SLC38A6: variants seen among roughly 807,000 people sequenced by gnomAD.
SLC38A6 encodes N system amino acid transporter NAT-1.
A neutral mutation model predicts 65.0 loss-of-function variants in SLC38A6; 73 were observed. That is an observed-to-expected ratio of 1.12 (90% CI 0.93 to 1.37). The LOEUF (loss-of-function observed/expected upper bound fraction) is 1.37, where lower values mean the gene tolerates loss of function less well. SLC38A6 is among the 40% of genes most tolerant of loss of function. The probability of loss-of-function intolerance (pLI) is 0.00; values close to 1 mark genes in which losing one functional copy is unlikely to be tolerated. For missense variants in SLC38A6, 561 were observed against 531.1 expected (o/e 1.06, Z -0.55); for synonymous variants, 183 against 178.8 (o/e 1.02, Z -0.19).
At chr14:61,014,995 G>A (rs574826263) in intron 3 of SLC38A6, among the ~76,000 whole-genome samples, 83 of 152,320 alleles carry the variant, frequency 5.4e-4, no homozygotes, top group Non-Finnish European at 1.0e-3. Flanking sequence ...AGTCTACAGA[G>A]GCACGCAGGG....
intron 15 of SLC38A6, among the ~76,000 whole-genome samples, chr14:61,074,436 TC>T (rs2043329607): frequency 6.6e-6 from 1 of 152,318 alleles, no homozygotes; most frequent in East Asian, 1.9e-4. Flanking sequence ...GAGGGCCTCT[TC>T]CTGGCTTGCA....
intron 3 of SLC38A6, among the ~76,000 whole-genome samples, chr14:61,003,666 GC>G (rs2139396934): frequency 1.3e-5 from 2 of 152,246 alleles, no homozygotes; most frequent in South Asian, 4.1e-4. Flanking sequence ...CTGAGATGCT[GC>G]AGATTTTTTG....
In SLC38A6 at chr14:61,030,464, A is replaced by G. The variant is rs1200273032; in HGVS notation, c.423A>G (p.Leu141=). 1.9e-6 allele frequency: 3 copies of G among 1,609,624 alleles called. No individual in the cohort carries two copies. Among genetic ancestry groups the G allele is most frequent in the Admixed American group, 3.4e-5 (2 of 59,388 alleles). ...QNIGAMSSYL[L]IIKTELPAAI... is the part of the protein sequence containing the mutation. ...TTGCAGCTATGTCATCTTATCTTTT[A>G]ATTATTAAAACAGAGCTTCCTGCTG... The change falls in exon 6 of 16, where the codon TTA becomes TTG. Residue 141 remains leucine, a synonymous_variant. Coordinates refer to ENST00000267488, the MANE Select transcript of SLC38A6 (RefSeq NM_153811.3).
Position 60,982,564 on chromosome 14 carries a change from G to A in SLC38A6, c.162G>A (p.Leu54=). 6 of 1,614,012 alleles carry A rather than the reference G, an allele frequency of 3.7e-6. No individual in the cohort carries two copies. Among genetic ancestry groups the A allele is most frequent in the Non-Finnish European group, 4.2e-6 (5 of 1,179,988 alleles). ...GVSFGLSVFN[L]MNAIMGSGIL... Reference sequence around the variant, plus strand: ...CATTTGGTTTATCAGTGTTTAATTTGATGAATGCCATCATGGGAAGTGGCA... The same window carrying A: ...CATTTGGTTTATCAGTGTTTAATTTAATGAATGCCATCATGGGAAGTGGCA... Residue 54 remains leucine, a synonymous_variant, in exon 2 of 16, where the codon TTG becomes TTA. Transcript: ENST00000267488.
chr14:60,985,702 C>T (rs915019432), intron 3 of SLC38A6, among the ~76,000 whole-genome samples: 2 of 152,086 alleles, frequency 1.3e-5, no homozygotes, highest in African/African-American at 4.8e-5. Flanking sequence ...AAAAGAATAC[C>T]TGAGGCTGCA....
At chr14:61,011,782 G>T (rs1222819701) in intron 3 of SLC38A6, among the ~76,000 whole-genome samples, 1 of 152,150 alleles carries the variant, frequency 6.6e-6, no homozygotes, top group Non-Finnish European at 1.5e-5. Flanking sequence ...GATTCAGTTT[G>T]CCAGTATTTT....
At chr14:60,983,564 A>G (rs573838690) in intron 2 of SLC38A6, among the ~76,000 whole-genome samples, 1 of 152,310 alleles carries the variant, frequency 6.6e-6, no homozygotes, top group Admixed American at 6.5e-5. Context: ...GAATTAACAA[A>G]TTGGCTTTGT....
At chr14:61,072,929 T>G (rs1166276275) in intron 15 of SLC38A6, among the ~76,000 whole-genome samples, 1 of 152,180 alleles carries the variant, frequency 6.6e-6, no homozygotes, top group Non-Finnish European at 1.5e-5. Flanking sequence ...GGTAGCTCTA[T>G]TTTTAGTTTT....
chr14:60,991,931 T>A lies in SLC38A6; in HGVS notation c.310+7128T>A, dbSNP rs773140383. On this transcript the variant is annotated intron_variant, in intron 3 of 15. Transcript: ENST00000267488. ...AGCTGAATCTCACTTAAGACTCCAT[T>A]TTCTTGTTGCCAGAACTTAATATGC... 3.5e-4 allele frequency among the ~76,000 whole-genome samples: 53 copies of A among 152,120 alleles called. 1 individual carries two copies. Among genetic ancestry groups the A allele is most frequent in the Non-Finnish European group, 1.3e-4 (9 of 68,012 alleles).
intron 3 of SLC38A6, among the ~76,000 whole-genome samples, chr14:61,008,332 A>C (rs2039305684): frequency 6.6e-6 from 1 of 152,100 alleles, no homozygotes; most frequent in Admixed American, 6.6e-5. Flanking sequence ...TGATAGGTAA[A>C]GACTGTATCT....
chr14:61,070,660 T>C (rs925654529), intron 15 of SLC38A6, among the ~76,000 whole-genome samples: 2 of 152,226 alleles, frequency 1.3e-5, no homozygotes, highest in African/African-American at 4.8e-5. Context: ...GGTTGCACTA[T>C]TTTATGTTTC....
At chr14:61,052,260 A>G (rs2042549108) in intron 15 of SLC38A6, 89 bp from the exon 16 acceptor site, 1 of 1,288,126 alleles carries the variant, frequency 7.8e-7, no homozygotes, top group Non-Finnish European at 1.1e-6. Flanking sequence ...TATTGCAGAG[A>G]GTAGAGATTT....
intron 1 of SLC38A6, among the ~76,000 whole-genome samples, chr14:60,982,013 A>G (rs139066812): frequency 1.3e-5 from 2 of 152,170 alleles, no homozygotes; most frequent in African/African-American, 4.8e-5. Context: ...TCTGTTTATA[A>G]TATTGTCATT....
intron 3 of SLC38A6, among the ~76,000 whole-genome samples, chr14:60,994,221 T>C (rs1243340143): frequency 7.9e-5 from 12 of 152,246 alleles, no homozygotes; most frequent in Admixed American, 6.5e-4. Context: ...AAAACTGATA[T>C]ATTTGTACAA....
chr14:61,010,168 C>T (rs2039447175), intron 3 of SLC38A6, among the ~76,000 whole-genome samples: 1 of 152,190 alleles, frequency 6.6e-6, no homozygotes, highest in Non-Finnish European at 1.5e-5. Flanking sequence ...TTTTTGGCTG[C>T]ATAAATGTCT....
intron 5 of SLC38A6, among the ~76,000 whole-genome samples, chr14:61,025,479 A>G (rs1018216066): frequency 6.6e-6 from 1 of 152,190 alleles, no homozygotes; most frequent in African/African-American, 2.4e-5. Flanking sequence ...TTGTCTAGAA[A>G]TTCTAGAAAG....
intron 2 of SLC38A6, among the ~76,000 whole-genome samples, chr14:60,984,152 A>AT (rs2037283398): frequency 6.6e-6 from 1 of 152,142 alleles, no homozygotes; most frequent in East Asian, 1.9e-4. Context: ...TTGTTTGCAC[A>AT]TTTTTCAAAT....
intron 5 of SLC38A6, among the ~76,000 whole-genome samples, chr14:61,021,633 G>T (rs1450148840): frequency 6.6e-6 from 1 of 152,108 alleles, no homozygotes; most frequent in African/African-American, 2.4e-5. Context: ...TTGCTTGCTT[G>T]CTTATTTTAG....
intron 3 of SLC38A6, among the ~76,000 whole-genome samples, chr14:60,995,348 A>C (rs1424000949): frequency 6.6e-6 from 1 of 152,234 alleles, no homozygotes; most frequent in Non-Finnish European, 1.5e-5. Context: ...CATTATGCTA[A>C]ATGAAATGAG....
Sources: gnomAD v4.1 joint callset for allele counts (sites outside exome capture counted in the v4.1 genomes callset) on GRCh38, gnomAD v4.1.1 for gene constraint, MANE v1.5 for transcripts, NCBI Gene and HGNC (gene_info 2026-07-23, HGNC 2026-07-21) for gene names.